Variants in GAREM1 observed in about 807,000 individuals in gnomAD.
GAREM1 encodes GRB2 associated regulator of MAPK1 subtype 1.
A neutral mutation model predicts 71.3 loss-of-function variants in GAREM1; 26 were observed. The ratio of observed to expected loss-of-function variants is 0.36; its 90% CI spans 0.27 to 0.51. GAREM1 has a LOEUF of 0.51. Ranked by LOEUF, GAREM1 falls within the 20% of genes least tolerant of loss-of-function variation. The probability of loss-of-function intolerance (pLI) is 0.95; values close to 1 mark genes in which losing one functional copy is unlikely to be tolerated. For synonymous variants in GAREM1, 440 were observed against 433.2 expected, an observed-to-expected ratio of 1.02 and a Z score of -0.20; for missense variants, 1,026 against 1,103.1, an observed-to-expected ratio of 0.93 and a Z score of 0.99.
At chr18:32,393,625 TC>T (rs2048224264) in intron 1 of GAREM1, among the ~76,000 whole-genome samples, 2 of 152,190 alleles carry the variant, frequency 1.3e-5, no homozygotes, top group Non-Finnish European at 2.9e-5. Flanking sequence ...TACTCACAGT[TC>T]CTTTTAAATT....
chr18:32,329,191 T>A (rs1030117840), intron 2 of GAREM1, among the ~76,000 whole-genome samples: 2 of 151,910 alleles, frequency 1.3e-5, no homozygotes, highest in African/African-American at 4.8e-5. Flanking sequence ...GGCAACACAG[T>A]GAGACCCCAC....
intron 3 of GAREM1, among the ~76,000 whole-genome samples, chr18:32,288,709 C>T (rs2047051623): frequency 6.6e-6 from 1 of 151,866 alleles, no homozygotes; most frequent in African/African-American, 2.4e-5. Context: ...TGAAGAACTT[C>T]TATACTATCT....
rs559231074 is a variant in GAREM1, at chr18:32,302,804, T to C, written c.393+7389A>G. On this transcript the variant is annotated intron_variant, in intron 3 of 5. Transcript: ENST00000269209. ...GGAAATGTTAATTAGCTTGATTCAA[T>C]CATTCCACATTGTATACCTGTACTA... Among the ~76,000 whole-genome samples the C allele has an allele frequency of 8.3e-4, 126 of 152,280 alleles. 1 individual carries two copies. The highest frequency in any genetic ancestry group is 1.2e-3 in the Non-Finnish European group (82 of 68,018).
rs184647083 is a variant in GAREM1, at chr18:32,408,140, T to C, written c.122-15105A>G. Among the ~76,000 whole-genome samples, 129 of 152,330 alleles carry C rather than the reference T, an allele frequency of 8.5e-4. 1 individual carries two copies. The highest frequency in any genetic ancestry group is 1.5e-3 in the Non-Finnish European group (101 of 68,028). On this transcript the variant is annotated intron_variant, in intron 1 of 5. Coordinates refer to ENST00000269209, the MANE Select transcript of GAREM1 (RefSeq NM_001242409.2). ...GGGTTTACAGTATTTATCAATATTA[T>C]GCTTCTAATATATTCTTTCAAGCTT...
intron 2 of GAREM1, among the ~76,000 whole-genome samples, chr18:32,317,694 CTTT>C (rs79726159): frequency 2.3e-5 from 3 of 131,134 alleles, no homozygotes; most frequent in Admixed American, 7.7e-5. Context: ...TTCGCTGTTG[CTTT>C]TTTTTTTTTT....
intron 2 of GAREM1, among the ~76,000 whole-genome samples, chr18:32,380,474 T>TAAAAAAAAAAAAA (rs35881689): frequency 4.3e-5 from 4 of 92,444 alleles, no homozygotes; most frequent in South Asian, 3.8e-4. Flanking sequence ...AGACTTCATT[T>TAAAAAAAAAAAAA]AAAAAAAAAA....
chr18:32,460,279 T>G (rs1380537949), intron 1 of GAREM1, among the ~76,000 whole-genome samples: 1 of 152,218 alleles, frequency 6.6e-6, no homozygotes, highest in East Asian at 1.9e-4. Flanking sequence ...CCAAGCTTAA[T>G]CATAACAATT....
chr18:32,334,259 C>T (rs768309160), intron 2 of GAREM1, among the ~76,000 whole-genome samples: 3 of 152,008 alleles, frequency 2.0e-5, no homozygotes, highest in South Asian at 2.1e-4. Context: ...CCAGGCAGTT[C>T]GGATGTGCGA....
At chr18:32,461,989 A>G (rs1409272221) in intron 1 of GAREM1, among the ~76,000 whole-genome samples, 1 of 152,178 alleles carries the variant, frequency 6.6e-6, no homozygotes, top group East Asian at 1.9e-4. Flanking sequence ...AGAGACTAAA[A>G]TACTCCCTCT....
intron 2 of GAREM1, among the ~76,000 whole-genome samples, chr18:32,344,802 C>T (rs1395677515): frequency 6.6e-6 from 1 of 152,200 alleles, no homozygotes; most frequent in African/African-American, 2.4e-5. Flanking sequence ...TGGCTCACGC[C>T]TATAATCCCA....
chr18:32,287,243 G>C lies in GAREM1; in HGVS notation c.1354C>G (p.Pro452Ala), dbSNP rs749493102. Residue 452 changes from proline (P) to alanine (A), a missense_variant, in exon 4 of 6, where the codon CCC (proline) becomes GCC (alanine). Transcript: ENST00000269209. The surrounding 1 kb of genome is among the most constrained non-coding windows in gnomAD (Gnocchi z 5.9). ...SAGIPGKSELPYEELWLEEGK... is the reference protein window; with the variant it reads ...SAGIPGKSELAYEELWLEEGK... ...TCCTCCAGCCACAGCTCTTCGTAGGGAAGTTCTGACTTTCCCGGGATGCCT... is the reference window on the plus strand; with the variant it reads ...TCCTCCAGCCACAGCTCTTCGTAGGCAAGTTCTGACTTTCCCGGGATGCCT... The C allele has an allele frequency of 7.1e-5, 115 of 1,614,116 alleles. No individual in the cohort carries two copies. Among genetic ancestry groups the C allele is most frequent in the Non-Finnish European group, 8.6e-5 (102 of 1,180,036 alleles).
intron 2 of GAREM1, among the ~76,000 whole-genome samples, chr18:32,378,271 G>A (rs1371467682): frequency 6.6e-6 from 1 of 152,020 alleles, no homozygotes; most frequent in African/African-American, 2.4e-5. Flanking sequence ...CGGCCAAGGC[G>A]GGTGGATCAC....
At chr18:32,343,130 T>C (rs913867776) in intron 2 of GAREM1, among the ~76,000 whole-genome samples, 69 of 152,202 alleles carry the variant, frequency 4.5e-4, no homozygotes, top group African/African-American at 1.6e-3. Context: ...ACAATTACTG[T>C]TGAATTTTCT....
In GAREM1 at chr18:32,470,428, TCTTCCCCGAAGCCTCCTGTCCCGCG is replaced by T. The variant is rs777247397; in HGVS notation, c.-25_-1del. 12 of 1,504,652 alleles carry T rather than the reference TCTTCCCCGAAGCCTCCTGTCCCGCG, an allele frequency of 8.0e-6. No individual in the cohort carries two copies. In the African/African-American group the frequency reaches 1.3e-4, roughly 16 times the overall value. The allele number at this position is 1,504,652 out of a possible 1,614,324, so 93.2% of individuals were successfully genotyped here. A position where few individuals can be genotyped will look rare whatever the true frequency, so the allele number is the denominator to read the frequency against. On this transcript the variant is annotated 5_prime_UTR_variant, in exon 1 of 6. Coordinates refer to ENST00000269209, the MANE Select transcript of GAREM1 (RefSeq NM_001242409.2). The surrounding 1 kb of genome is among the most constrained non-coding windows in gnomAD (Gnocchi z 4.4). The stretch of plus-strand genomic sequence containing the variant: ...CAGCCCAGCGAGGGCGCCGGGTCCA[TCTTCCCCGAAGCCTCCTGTCCCGCG>T]CTCCCCCGCCGCCGCCACCGGCACC...
intron 1 of GAREM1, among the ~76,000 whole-genome samples, chr18:32,467,908 T>G (rs917134728): frequency 2.0e-5 from 3 of 151,778 alleles, no homozygotes; most frequent in Non-Finnish European, 1.5e-5. Context: ...TGTCCTAAAC[T>G]GTGTGAAACA....
At chr18:32,448,909 A>C (rs1299767838) in intron 1 of GAREM1, among the ~76,000 whole-genome samples, 1 of 152,110 alleles carries the variant, frequency 6.6e-6, no homozygotes, top group East Asian at 1.9e-4. Context: ...TTTTTATTTC[A>C]ATAGCGGGAT....
At position 32,427,968 on chromosome 18, in the gene GAREM1, T is replaced by C. The variant is rs143425517; in HGVS notation, c.122-34933A>G. Reference sequence around the variant, plus strand: ...AAAAGTGCATGAAAAAATATGACTATATATGGAGGGAAAGTATATTATATG... The same window carrying C: ...AAAAGTGCATGAAAAAATATGACTACATATGGAGGGAAAGTATATTATATG... On this transcript the variant is annotated intron_variant, in intron 1 of 5. Coordinates refer to ENST00000269209, the MANE Select transcript of GAREM1 (RefSeq NM_001242409.2). 5.7e-3 allele frequency among the ~76,000 whole-genome samples: 871 copies of C among 152,240 alleles called. 9 individuals carry two copies. The highest frequency in any genetic ancestry group is 0.019 in the African/African-American group (809 of 41,534).
At chr18:32,469,037 G>A (rs532533579) in intron 1 of GAREM1, among the ~76,000 whole-genome samples, 2 of 135,634 alleles carry the variant, frequency 1.5e-5, no homozygotes, top group East Asian at 4.6e-4. Context: ...AAAACTTCCA[G>A]CTTATTCCCA....
intron 1 of GAREM1, among the ~76,000 whole-genome samples, chr18:32,446,575 AG>A (rs1408592329): frequency 6.6e-6 from 1 of 152,228 alleles, no homozygotes; most frequent in Non-Finnish European, 1.5e-5. Flanking sequence ...GTTCACACAC[AG>A]GGACAAGAGG....
Sources: allele counts gnomAD v4.1 joint callset (sites outside exome capture counted in the v4.1 genomes callset), GRCh38; gene constraint gnomAD v4.1.1; non-coding constraint Gnocchi (gnomAD v3.1); transcripts MANE v1.5; gene names NCBI Gene and HGNC (gene_info 2026-07-23, HGNC 2026-07-21).